The following MED13L variants were observed in gnomAD, a reference collection of about 807,000 sequenced individuals.
MED13L encodes mediator of RNA polymerase II transcription subunit 13-like.
Under a neutral mutation model 220.9 loss-of-function variants are expected in MED13L, and 7 were observed. That is an observed-to-expected ratio of 0.03 (90% CI 0.02 to 0.06). The LOEUF is 0.06. Among genes scored for constraint, MED13L ranks in the 10% least tolerant of loss-of-function variants. The pLI is 1.00. For missense variants in MED13L, 1,965 were observed against 2,760.5 expected, an observed-to-expected ratio of 0.71 and a Z score of 6.46; for synonymous variants, 1,011 against 1,015.2, an observed-to-expected ratio of 1.00 and a Z score of 0.08.
At chr12:116,028,495 G>A (rs945805309) in intron 4 of MED13L, among the ~76,000 whole-genome samples, 6 of 152,160 alleles carry the variant, frequency 3.9e-5, no homozygotes, top group Non-Finnish European at 7.3e-5. Context: ...TCAGAGCACA[G>A]TTGGAATAAA....
Position 116,204,608 on chromosome 12 carries a change from C to G in MED13L, c.310+32860G>C, listed in dbSNP as rs555273837. On this transcript the variant is annotated intron_variant, in intron 2 of 30. Coordinates refer to ENST00000281928, the MANE Select transcript of MED13L (RefSeq NM_015335.5). ...TTTAATATAATGCCTTGTCTCATTC[C>G]CCACTATAAGTTCCTCTAGTTGCTA... is the stretch of plus-strand genomic sequence containing the variant. Among the ~76,000 whole-genome samples, 14 of 152,220 alleles carry G rather than the reference C, an allele frequency of 9.2e-5. No individual in the cohort carries two copies. In the East Asian group the frequency reaches 2.7e-3, roughly 29 times the overall value.
At chr12:116,169,272 T>C (rs1332536562) in intron 2 of MED13L, 1 of 152,614 alleles carries the variant, frequency 6.6e-6, no homozygotes, top group Non-Finnish European at 1.5e-5. Flanking sequence ...GGATAAATAA[T>C]GGCTGCTCAG....
At chr12:116,195,091 A>G (rs1382379058) in intron 2 of MED13L, among the ~76,000 whole-genome samples, 2 of 152,218 alleles carry the variant, frequency 1.3e-5, no homozygotes, top group Non-Finnish European at 2.9e-5. Context: ...GGGGTAAGTA[A>G]GCTGTGTGGA....
chr12:116,022,613 A>G lies in MED13L; in HGVS notation c.480-12T>C. ...AGGACAAATGCTCACTACAAAAGAG[A>G]GAATGAGAAACTCAACTTTATATTT... On this transcript the variant is annotated splice_polypyrimidine_tract_variant and intron_variant, in intron 4 of 30. Coordinates refer to ENST00000281928, the MANE Select transcript of MED13L (RefSeq NM_015335.5). The G allele has an allele frequency of 1.2e-6, 2 of 1,609,660 alleles. No individual in the cohort carries two copies. The highest frequency in any genetic ancestry group is 1.7e-6 in the Non-Finnish European group (2 of 1,177,616).
intron 2 of MED13L, among the ~76,000 whole-genome samples, chr12:116,231,346 C>G (rs371750991): frequency 6.6e-6 from 1 of 152,040 alleles, no homozygotes; most frequent in African/African-American, 2.4e-5. Context: ...GATGTGATGC[C>G]GTGGAAAGGA....
At chr12:116,253,369 G>A (rs1260619072) in intron 1 of MED13L, among the ~76,000 whole-genome samples, 1 of 150,712 alleles carries the variant, frequency 6.6e-6, no homozygotes, top group Non-Finnish European at 1.5e-5. Context: ...GAATTCTATC[G>A]AACATCTAAG....
intron 4 of MED13L, among the ~76,000 whole-genome samples, chr12:116,050,520 C>T (rs1467460004): frequency 6.6e-6 from 1 of 152,090 alleles, no homozygotes; most frequent in Non-Finnish European, 1.5e-5. Context: ...TAACTAAAGA[C>T]TTCTCCCCCT....
chr12:116,094,906 C>G (rs1460544146), intron 4 of MED13L, among the ~76,000 whole-genome samples: 1 of 152,174 alleles, frequency 6.6e-6, no homozygotes, highest in African/African-American at 2.4e-5. Flanking sequence ...CAGGGGCTCA[C>G]ACCTGTAATC....
rs1285050204 is a variant in MED13L at position 115,979,849 on chromosome 12, AAAAC to A, written c.5364+897_5364+900del. Among the ~76,000 whole-genome samples the A allele has an allele frequency of 2.6e-5, 4 of 152,364 alleles. No individual in the cohort carries two copies. In the East Asian group the frequency reaches 7.7e-4, roughly 29 times the overall value. On this transcript the variant is annotated intron_variant, in intron 23 of 30. Transcript: ENST00000281928. ...CTATCTTCAAGATAAGGTGATTAGA[AAAAC>A]AAAGGAAGTGTAAAACTTTTGTTTA...
At position 116,237,703 on chromosome 12, in the gene MED13L, A is replaced by G; in HGVS notation, c.75T>C (p.Ala25=). The G allele has an allele frequency of 1.2e-6, 2 of 1,614,086 alleles. No homozygotes were observed. The highest frequency in any genetic ancestry group is 1.7e-6 in the Non-Finnish European group (2 of 1,179,902). The change falls in exon 2 of 31, where the codon GCT becomes GCC. Residue 25 remains alanine, a splice_region_variant and synonymous_variant. Transcript: ENST00000281928. ...EDCHSNLFSL[A]ELTGIKWRRY... Reference sequence around the variant, plus strand: ...TACGCCATTTGATTCCCGTGAGTTCAGCCTGGAAAAAGACAAAAAATTGTA... The same window carrying G: ...TACGCCATTTGATTCCCGTGAGTTCGGCCTGGAAAAAGACAAAAAATTGTA...
In MED13L at chr12:116,007,227, GA is replaced by G. The variant is rs1478100795; in HGVS notation, c.2238+183del. 6.1e-6 allele frequency: 4 copies of G among 653,084 alleles called. No homozygotes were observed. In the African/African-American group the frequency reaches 7.2e-5, roughly 12 times the overall value. 40.5% of individuals were successfully genotyped at this position (653,084 alleles called of 1,614,324 possible). On this transcript the variant is annotated intron_variant, in intron 11 of 30. Coordinates refer to ENST00000281928, the MANE Select transcript of MED13L (RefSeq NM_015335.5). Reference sequence around the variant, plus strand: ...GTTCGGCTGACTTTTAAACAAAGGTGAGCCATGACATAAAAAGGAACAATAC... The same window carrying G: ...GTTCGGCTGACTTTTAAACAAAGGTGGCCATGACATAAAAAGGAACAATAC...
chr12:116,082,028 C>T (rs1871272419), intron 4 of MED13L, among the ~76,000 whole-genome samples: 1 of 152,018 alleles, frequency 6.6e-6, no homozygotes, highest in South Asian at 2.1e-4. Flanking sequence ...AAATTCCCTC[C>T]AAAGAAACAT....
intron 2 of MED13L, among the ~76,000 whole-genome samples, chr12:116,208,666 A>G (rs983074209): frequency 6.6e-6 from 1 of 152,236 alleles, no homozygotes; most frequent in African/African-American, 2.4e-5. Flanking sequence ...AATATTCTAT[A>G]TAAAGAAAAA....
At chr12:115,980,641 A>T in intron 23 of MED13L, 109 bp downstream of exon 23, 1 of 1,167,494 alleles carries the variant, frequency 8.6e-7, no homozygotes, top group South Asian at 1.2e-5. Flanking sequence ...TCTTATATCA[A>T]TGTAGAAGAC....
intron 3 of MED13L, among the ~76,000 whole-genome samples, chr12:116,109,086 TTGG>T (rs1361809091): frequency 4.5e-4 from 37 of 82,258 alleles, no homozygotes; most frequent in East Asian, 2.0e-3. Context: ...TTTTTTTTTT[TTGG>T]AAACAGGGTC....
At chr12:116,104,292 G>A (rs1873360576) in intron 3 of MED13L, among the ~76,000 whole-genome samples, 1 of 152,064 alleles carries the variant, frequency 6.6e-6, no homozygotes, top group Non-Finnish European at 1.5e-5. Context: ...CTACAGGTGT[G>A]AGCCATGTGT....
At chr12:116,054,054 C>G (rs2137598371) in intron 4 of MED13L, among the ~76,000 whole-genome samples, 1 of 152,280 alleles carries the variant, frequency 6.6e-6, no homozygotes, top group Admixed American at 6.5e-5. Flanking sequence ...GCCGTGAAGT[C>G]CAAGACTTAT....
At chr12:116,204,956 A>G (rs963366530) in intron 2 of MED13L, among the ~76,000 whole-genome samples, 3 of 152,166 alleles carry the variant, frequency 2.0e-5, no homozygotes, top group African/African-American at 7.2e-5. Context: ...AGTGGTGATC[A>G]CAGCTGGGAC....
chr12:116,046,251 T>C (rs1264409330), intron 4 of MED13L, among the ~76,000 whole-genome samples: 3 of 152,128 alleles, frequency 2.0e-5, no homozygotes, highest in East Asian at 1.9e-4. Context: ...TAATTTTGAA[T>C]AGTCAGTGTA....
Sources: allele counts gnomAD v4.1 joint callset (sites outside exome capture counted in the v4.1 genomes callset), GRCh38; gene constraint gnomAD v4.1.1; transcripts MANE v1.5; gene names NCBI Gene and HGNC (gene_info 2026-07-23, HGNC 2026-07-21).